The following TMEM131L variants were observed in gnomAD, a reference collection of about 807,000 sequenced individuals.
TMEM131L encodes the protein transmembrane 131 like.
TMEM131L carries 54 observed loss-of-function variants against 192.2 expected under a neutral mutation model. The observed-to-expected ratio is 0.28, with a 90% CI of 0.23 to 0.35. The LOEUF is 0.35. TMEM131L is among the 10% of genes least tolerant of loss of function. The probability of loss-of-function intolerance (pLI) is 1.00; values close to 1 mark genes in which losing one functional copy is unlikely to be tolerated. For synonymous variants in TMEM131L, 701 were observed against 704.9 expected (o/e 0.99, Z 0.09); for missense variants, 1,888 against 1,972.9 (o/e 0.96, Z 0.82).
intron 3 of TMEM131L, among the ~76,000 whole-genome samples, chr4:153,498,572 G>A (rs1733359706): frequency 6.6e-6 from 1 of 152,162 alleles, no homozygotes; most frequent in Admixed American, 6.5e-5. Flanking sequence ...TAGGGAAGTG[G>A]GGGGTGAGCA....
At chr4:153,546,931 A>AAAAC (rs769222869) in intron 3 of TMEM131L, among the ~76,000 whole-genome samples, 3 of 152,240 alleles carry the variant, frequency 2.0e-5, no homozygotes, top group South Asian at 2.1e-4. Flanking sequence ...CTGTCTCAAA[A>AAAAC]AAACAAACAA....
intron 7 of TMEM131L, 115 bp from the exon 8 acceptor site, chr4:153,580,711 T>A (rs889433710): frequency 1.1e-5 from 7 of 632,900 alleles, no homozygotes; most frequent in Non-Finnish European, 2.0e-5. Context: ...GATACTCAGA[T>A]ATTTATTGAA....
In TMEM131L at chr4:153,476,614, A is replaced by G. The variant is rs910428537; in HGVS notation, c.239+2726A>G. The stretch of plus-strand genomic sequence containing the variant: ...CGGGAGGCTGAGGCAGGAGAATGGC[A>G]TGAACCCGGGAGGCGGAGCTTGCAG... On this transcript the variant is annotated intron_variant, in intron 3 of 34. Coordinates refer to ENST00000409959, the MANE Select transcript of TMEM131L (RefSeq NM_001131007.2). 1.6e-4 allele frequency among the ~76,000 whole-genome samples: 24 copies of G among 152,142 alleles called. No individual in the cohort carries two copies. The South Asian group carries it at 3.3e-3, about 21-fold the overall frequency.
chr4:153,488,189 G>A (rs1006208584), intron 3 of TMEM131L, among the ~76,000 whole-genome samples: 2 of 152,258 alleles, frequency 1.3e-5, no homozygotes, highest in African/African-American at 4.8e-5. Context: ...GTGGGCCTGT[G>A]GCTGAGTTGT....
chr4:153,636,535 T>A lies in TMEM131L; in HGVS notation c.4792T>A (p.Phe1598Ile). The A allele has an allele frequency of 6.2e-7, 1 of 1,614,182 alleles. No individual in the cohort carries two copies. Among genetic ancestry groups the A allele is most frequent in the Non-Finnish European group, 8.5e-7 (1 of 1,179,988 alleles). ...TACCACAGCGAATAGGAATGCAAAT[T>A]TCCCACTGTCTAGAGACTCGAGTTA... ...WTTTANRNANFPLSRDSSYCG... is the reference protein window; with the variant it reads ...WTTTANRNANIPLSRDSSYCG... The change falls in exon 35 of 35, where the codon TTC (phenylalanine) becomes ATC (isoleucine). Residue 1598 changes from phenylalanine to isoleucine, a missense_variant. Physicochemically the swap from Phe to Ile is conservative, Grantham distance 21. Coordinates refer to ENST00000409959, the MANE Select transcript of TMEM131L (RefSeq NM_001131007.2).
At chr4:153,601,962 C>T (rs1365117907) in intron 21 of TMEM131L, 190 bp from the exon 22 acceptor site, 2 of 436,268 alleles carry the variant, frequency 4.6e-6, no homozygotes, top group Admixed American at 4.1e-5. Context: ...TCTGTTATAT[C>T]CTAGAACAGA....
chr4:153,591,071 A>C lies in TMEM131L; in HGVS notation c.1689A>C (p.Thr563=), dbSNP rs1731032647. 1 of 1,592,160 alleles carries C rather than the reference A, an allele frequency of 6.3e-7. No homozygotes were observed. The highest frequency in any genetic ancestry group is 1.1e-5 in the South Asian group (1 of 87,700). Residue 563 remains threonine, a synonymous_variant, in exon 17 of 35, where the codon ACA becomes ACC. Coordinates refer to ENST00000409959, the MANE Select transcript of TMEM131L (RefSeq NM_001131007.2). ...TAAACAGGAGGAATGTTTTGGGAACAACTCGATTTGCTCACTTGAAGAAAT... is the reference window on the plus strand; with the variant it reads ...TAAACAGGAGGAATGTTTTGGGAACCACTCGATTTGCTCACTTGAAGAAAT... ...GDVCKRNVLG[T]TRFAHLKKSK...
At chr4:153,487,442 A>G (rs953652192) in intron 3 of TMEM131L, among the ~76,000 whole-genome samples, 8 of 152,114 alleles carry the variant, frequency 5.3e-5, no homozygotes, top group African/African-American at 1.2e-4. Context: ...GTGTCCACCT[A>G]TCAGGGTCTC....
At chr4:153,467,018 C>A (rs1489161548) in intron 1 of TMEM131L, among the ~76,000 whole-genome samples, 193 bp from the exon 2 acceptor site, 1 of 152,150 alleles carries the variant, frequency 6.6e-6, no homozygotes, top group Non-Finnish European at 1.5e-5. Context: ...GCCTTCGCGT[C>A]CGAGGGGCCG....
chr4:153,536,815 C>G (rs1736371284), intron 3 of TMEM131L, among the ~76,000 whole-genome samples: 1 of 147,360 alleles, frequency 6.8e-6, no homozygotes. Flanking sequence ...AATAGGTTGT[C>G]TGCAAGCTGA....
At chr4:153,577,338 TAA>T (rs1193327621) in intron 7 of TMEM131L, among the ~76,000 whole-genome samples, 1 of 152,152 alleles carries the variant, frequency 6.6e-6, no homozygotes, top group Non-Finnish European at 1.5e-5. Flanking sequence ...TGTATATGGG[TAA>T]ATTCACTCTT....
chr4:153,574,275 A>T (rs2150654090), intron 7 of TMEM131L, among the ~76,000 whole-genome samples: 1 of 152,212 alleles, frequency 6.6e-6, no homozygotes. Flanking sequence ...GTATAGTTAG[A>T]TTTTGTTTTA....
At chr4:153,487,693 CGTGTGTGTGTGTGTGT>C (rs140651689) in intron 3 of TMEM131L, among the ~76,000 whole-genome samples, 2 of 142,106 alleles carry the variant, frequency 1.4e-5, no homozygotes, top group East Asian at 4.3e-4. Context: ...GCTGCACAGG[CGTGTGTGTGTGTGTGT>C]GTGTGTGTGT....
intron 21 of TMEM131L, among the ~76,000 whole-genome samples, chr4:153,600,054 A>C (rs1344556342): frequency 6.6e-6 from 1 of 152,164 alleles, no homozygotes; most frequent in East Asian, 1.9e-4. Context: ...AAGGAAAAAG[A>C]AAAAAATAAA....
chr4:153,473,465 G>A (rs1357826636), intron 2 of TMEM131L, among the ~76,000 whole-genome samples: 1 of 152,172 alleles, frequency 6.6e-6, no homozygotes, highest in East Asian at 1.9e-4. Context: ...GGTAGGAGGT[G>A]AAGGGAGGAG....
intron 3 of TMEM131L, among the ~76,000 whole-genome samples, chr4:153,509,343 T>G (rs1231374972): frequency 2.0e-5 from 3 of 149,956 alleles, no homozygotes; most frequent in Admixed American, 6.7e-5. Context: ...CTAACCTGGG[T>G]GACAAGAGCT....
intron 7 of TMEM131L, among the ~76,000 whole-genome samples, chr4:153,571,699 A>C (rs1203118079): frequency 6.6e-6 from 1 of 152,154 alleles, no homozygotes; most frequent in Non-Finnish European, 1.5e-5. Context: ...AGCTGGGACT[A>C]CAGGCATGTA....
At chr4:153,634,952 T>A (rs1417851314) in intron 33 of TMEM131L, among the ~76,000 whole-genome samples, 1 of 151,958 alleles carries the variant, frequency 6.6e-6, no homozygotes, top group Admixed American at 6.6e-5. Flanking sequence ...CACAAGGGGG[T>A]GCTTTGGGAA....
At chr4:153,566,240 A>G (rs1301228306) in intron 7 of TMEM131L, among the ~76,000 whole-genome samples, 1 of 151,352 alleles carries the variant, frequency 6.6e-6, no homozygotes, top group African/African-American at 2.4e-5. Context: ...GGTTCACGCC[A>G]TTCTCCTGCC....
Sources: gnomAD v4.1 joint callset for allele counts (sites outside exome capture counted in the v4.1 genomes callset) on GRCh38, gnomAD v4.1.1 for gene constraint, MANE v1.5 for transcripts, NCBI Gene and HGNC (gene_info 2026-07-23, HGNC 2026-07-21) for gene names.